FBN2: variants seen among roughly 807,000 people sequenced by gnomAD.
FBN2 encodes fibrillin-2.
A neutral mutation model predicts 355.6 loss-of-function variants in FBN2; 105 were observed. That is an observed-to-expected ratio of 0.30 (90% confidence interval 0.25 to 0.35). The LOEUF (loss-of-function observed/expected upper bound fraction) is 0.35, where lower values mean the gene tolerates loss of function less well. FBN2 is among the 10% of genes least tolerant of loss of function. FBN2 has a pLI of 1.00. For missense variants in FBN2, 3,280 were observed against 3,758.7 expected (o/e 0.87, Z 3.33); for synonymous variants, 1,350 against 1,301.2 (o/e 1.04, Z -0.81).
chr5:128,537,984 A>G lies in FBN2; in HGVS notation c.-381T>C, dbSNP rs1756906653. On this transcript the variant is annotated 5_prime_UTR_variant, in exon 1 of 65. Transcript: ENST00000262464. ...AAAAATGTGAACCTCAAAAGAAAAA[A>G]GGGCCTGCACGCAGAGCTCGGCGGA... 2 of 275,956 alleles carry G rather than the reference A, an allele frequency of 7.2e-6. No individual in the cohort carries two copies. The highest frequency in any genetic ancestry group is 1.4e-5 in the Non-Finnish European group (2 of 146,752). 17.1% of individuals were successfully genotyped at this position (275,956 alleles called of 1,614,324 possible).
intron 45 of FBN2, among the ~76,000 whole-genome samples, chr5:128,303,649 T>C (rs1400626120): frequency 6.6e-6 from 1 of 152,176 alleles, no homozygotes; most frequent in Non-Finnish European, 1.5e-5. Flanking sequence ...ACTCCCCAAC[T>C]ATGAATTCCA....
rs1333213877 is a variant in FBN2, at chr5:128,378,713, C to T, written c.1723+58G>A. 6 of 1,597,204 alleles carry T rather than the reference C, an allele frequency of 3.8e-6. No individual in the cohort carries two copies. In the East Asian group the frequency reaches 6.7e-5, roughly 18 times the overall value. On this transcript the variant is annotated intron_variant, in intron 12 of 64. Coordinates refer to ENST00000262464, the MANE Select transcript of FBN2 (RefSeq NM_001999.4). ...TTAATAAATTTACTTTTAACCTCAA[C>T]AGCCTTGGTCACTATATTTCATGGA...
chr5:128,468,452 T>C (rs1248900405), intron 5 of FBN2, among the ~76,000 whole-genome samples: 1 of 152,170 alleles, frequency 6.6e-6, no homozygotes, highest in Non-Finnish European at 1.5e-5. Context: ...TATTTAAGAG[T>C]GGAACTACTT....
At chr5:128,262,594 A>G (rs540600299) in intron 63 of FBN2, among the ~76,000 whole-genome samples, 3 of 152,236 alleles carry the variant, frequency 2.0e-5, no homozygotes, top group Non-Finnish European at 4.4e-5. Context: ...TCCCTGCTTT[A>G]AAAACTGAGA....
chr5:128,392,633 A>G (rs1035420970), intron 10 of FBN2, among the ~76,000 whole-genome samples: 1 of 152,222 alleles, frequency 6.6e-6, no homozygotes, highest in Non-Finnish European at 1.5e-5. Context: ...GCAATTTAAC[A>G]AAAAAGGGTG....
intron 61 of FBN2, among the ~76,000 whole-genome samples, chr5:128,272,367 A>C (rs1184352273): frequency 6.6e-6 from 1 of 151,710 alleles, no homozygotes; most frequent in Non-Finnish European, 1.5e-5. Context: ...CAGTGCTCTA[A>C]ATAACATCTC....
chr5:128,303,103 T>C lies in FBN2; in HGVS notation c.5801-14A>G, dbSNP rs775712567. 2.0e-6 allele frequency: 3 copies of C among 1,521,804 alleles called. No homozygotes were observed. Among genetic ancestry groups the C allele is most frequent in the Admixed American group, 1.7e-5 (1 of 59,868 alleles). The allele number at this position is 1,521,804 out of a possible 1,614,324, so 94.3% of individuals were successfully genotyped here. A position where few individuals can be genotyped will look rare whatever the true frequency, so the allele number is the denominator to read the frequency against. ...ACTCATCAACATCTATAAAGAAATATAGGCTCAAAAAATTCAATTTTTAAC... is the reference window on the plus strand; with the variant it reads ...ACTCATCAACATCTATAAAGAAATACAGGCTCAAAAAATTCAATTTTTAAC... On this transcript the variant is annotated splice_polypyrimidine_tract_variant and intron_variant, in intron 45 of 64. Transcript: ENST00000262464.
Position 128,301,407 on chromosome 5 carries a change from A to G in FBN2, c.6021T>C (p.Leu2007=), listed in dbSNP as rs762254544. 3.1e-6 allele frequency: 5 copies of G among 1,613,488 alleles called. No homozygotes were observed. The South Asian group carries it at 3.3e-5, about 11-fold the overall frequency. ...FKCLCNEGYE[L]TPDGKNCIDT... ...CTATACAGTTTTTGCCATCTGGGGT[A>G]AGTTCATAACCTTCGTTACATAGAC... The change falls in exon 47 of 65, where the codon CTT becomes CTC. Residue 2007 remains leucine (L), a synonymous_variant. Transcript: ENST00000262464.
At chr5:128,261,991 C>A in intron 63 of FBN2, 84 bp from the exon 64 acceptor site, 1 of 1,068,336 alleles carries the variant, frequency 9.4e-7, no homozygotes. Flanking sequence ...TCTTCAGAAA[C>A]ACGAAACCAA....
chr5:128,445,238 GT>G (rs1754035293), intron 7 of FBN2, among the ~76,000 whole-genome samples: 1 of 151,830 alleles, frequency 6.6e-6, no homozygotes, highest in South Asian at 2.1e-4. Context: ...AATCAACTAT[GT>G]TTTTTTAAAC....
chr5:128,303,762 C>A (rs990509289), intron 45 of FBN2, among the ~76,000 whole-genome samples: 1 of 152,070 alleles, frequency 6.6e-6, no homozygotes, highest in African/African-American at 2.4e-5. Flanking sequence ...ATCTGACTAG[C>A]TTTTATCATG....
chr5:128,303,409 G>C (rs1301858318), intron 45 of FBN2, among the ~76,000 whole-genome samples: 3 of 152,172 alleles, frequency 2.0e-5, no homozygotes, highest in East Asian at 1.9e-4. Context: ...AAATAAAACT[G>C]ATCTTCTAAA....
At chr5:128,368,543 T>A (rs1751845249) in intron 16 of FBN2, among the ~76,000 whole-genome samples, 1 of 148,244 alleles carries the variant, frequency 6.7e-6, no homozygotes, top group African/African-American at 2.5e-5. Context: ...TTTATAACCT[T>A]GAAAGTGGTA....
chr5:128,450,384 A>G lies in FBN2; in HGVS notation c.827-3778T>C, dbSNP rs368241089. Among the ~76,000 whole-genome samples, 4 of 152,150 alleles carry G rather than the reference A, an allele frequency of 2.6e-5. No individual in the cohort carries two copies. In the South Asian group the frequency reaches 8.3e-4, roughly 31 times the overall value. ...AAACTAGAAAGTAATAAAGGAAAAAATCTGGAACAACCTCAAATATCTGAA... is the reference window on the plus strand; with the variant it reads ...AAACTAGAAAGTAATAAAGGAAAAAGTCTGGAACAACCTCAAATATCTGAA... On this transcript the variant is annotated intron_variant, in intron 6 of 64. Transcript: ENST00000262464.
intron 8 of FBN2, among the ~76,000 whole-genome samples, chr5:128,399,142 A>G (rs1389426311): frequency 1.3e-5 from 2 of 152,204 alleles, no homozygotes; most frequent in Non-Finnish European, 2.9e-5. Context: ...ATGTTGTAAG[A>G]CCTCAGATAT....
At chr5:128,324,448 C>T (rs1262136948) in intron 34 of FBN2, among the ~76,000 whole-genome samples, 1 of 152,150 alleles carries the variant, frequency 6.6e-6, no homozygotes, top group Non-Finnish European at 1.5e-5. Flanking sequence ...TGTCTAAACA[C>T]TGCTTTAGCT....
intron 34 of FBN2, among the ~76,000 whole-genome samples, chr5:128,324,160 G>T (rs1750474027): frequency 1.3e-5 from 2 of 152,006 alleles, no homozygotes; most frequent in South Asian, 4.2e-4. Context: ...ATTTTTTATT[G>T]TGTCTATTTG....
At chr5:128,426,819 C>T (rs904193545) in intron 7 of FBN2, among the ~76,000 whole-genome samples, 5 of 152,108 alleles carry the variant, frequency 3.3e-5, no homozygotes, top group Admixed American at 6.5e-5. Context: ...GTACTAGGAA[C>T]GAAGATCTTT....
chr5:128,449,335 T>G (rs1754159289), intron 6 of FBN2, among the ~76,000 whole-genome samples: 1 of 145,954 alleles, frequency 6.9e-6, no homozygotes, highest in Non-Finnish European at 1.5e-5. Flanking sequence ...ATAGTATACG[T>G]ATAATTACAT....
Sources: allele counts gnomAD v4.1 joint callset (sites outside exome capture counted in the v4.1 genomes callset), GRCh38; gene constraint gnomAD v4.1.1; transcripts MANE v1.5; gene names NCBI Gene and HGNC (gene_info 2026-07-23, HGNC 2026-07-21).